Variants in ATP8A1 observed in about 807,000 individuals in gnomAD.
ATP8A1 encodes the protein phospholipid-transporting ATPase IA.
A neutral mutation model predicts 177.7 loss-of-function variants in ATP8A1; 90 were observed. That is an observed-to-expected ratio of 0.51 (90% CI 0.43 to 0.60). The LOEUF (loss-of-function observed/expected upper bound fraction) is 0.60, where lower values mean the gene tolerates loss of function less well. Ranked by LOEUF, ATP8A1 falls within the 20% of genes least tolerant of loss-of-function variation. The probability of loss-of-function intolerance (pLI) is 0.00; values close to 1 mark genes in which losing one functional copy is unlikely to be tolerated. For synonymous variants in ATP8A1, 493 were observed against 485.9 expected, an observed-to-expected ratio of 1.01 and a Z score of -0.19; for missense variants, 1,072 against 1,392.8, an observed-to-expected ratio of 0.77 and a Z score of 3.67.
chr4:42,605,615 A>G (rs1460479937), intron 5 of ATP8A1, among the ~76,000 whole-genome samples: 5 of 152,086 alleles, frequency 3.3e-5, no homozygotes, highest in South Asian at 4.2e-4. Flanking sequence ...TCCTCCTTCA[A>G]ATCTGCTTGA....
At chr4:42,550,132 A>G (rs113094499) in intron 18 of ATP8A1, among the ~76,000 whole-genome samples, 2,981 of 150,912 alleles carry the variant, frequency 0.02, 88 homozygotes, top group African/African-American at 0.069. Flanking sequence ...ACCATAAATC[A>G]CTTTTTCCTG....
At chr4:42,419,301 G>C (rs1309207795) in intron 35 of ATP8A1, among the ~76,000 whole-genome samples, 1 of 152,068 alleles carries the variant, frequency 6.6e-6, no homozygotes, top group Non-Finnish European at 1.5e-5. Flanking sequence ...GCTGTACCAG[G>C]TGTTGCATTG....
At position 42,654,087 on chromosome 4, in the gene ATP8A1, G is replaced by A. The variant is rs73810775; in HGVS notation, c.49+2738C>T. ...CCAGACCTCCTGAATCAGACTCTGCGTTTAACAAGATCCTCAGGTGATTCC... is the reference window on the plus strand; with the variant it reads ...CCAGACCTCCTGAATCAGACTCTGCATTTAACAAGATCCTCAGGTGATTCC... On this transcript the variant is annotated intron_variant, in intron 1 of 36. Transcript: ENST00000381668. Among the ~76,000 whole-genome samples, 857 of 152,262 alleles carry A rather than the reference G, an allele frequency of 5.6e-3. 8 individuals carry two copies. Among genetic ancestry groups the A allele is most frequent in the African/African-American group, 0.02 (819 of 41,536 alleles).
At position 42,590,825 on chromosome 4, in the gene ATP8A1, G is replaced by A; in HGVS notation, c.510C>T (p.Ile170=). 3 of 1,613,538 alleles carry A rather than the reference G, an allele frequency of 1.9e-6. No homozygotes were observed. The highest frequency in any genetic ancestry group is 2.5e-6 in the Non-Finnish European group (3 of 1,179,852). ...TNGEHLPADL[I]SLSSSEPQAM... ...GTGGTTCTAACCTTGAGGACAGACT[G>A]ATGAGATCTGCTGGGAGATGTTCCC... Residue 170 remains isoleucine, a synonymous_variant, in exon 7 of 37, where the codon ATC becomes ATT. Coordinates refer to ENST00000381668, the MANE Select transcript of ATP8A1 (RefSeq NM_006095.2).
At position 42,578,380 on chromosome 4, in the gene ATP8A1, G is replaced by A. The variant is rs756332026; in HGVS notation, c.1008C>T (p.Gly336=). The A allele has an allele frequency of 7.4e-6, 12 of 1,610,740 alleles. No homozygotes were observed. The highest frequency in any genetic ancestry group is 3.3e-5 in the South Asian group (3 of 90,478). Residue 336 remains glycine (G), a synonymous_variant, in exon 12 of 37, where the codon GGC becomes GGT. Coordinates refer to ENST00000381668, the MANE Select transcript of ATP8A1 (RefSeq NM_006095.2). ...AGAAATTCAGTCCAAAATTACTAGC[G>A]CCACCATCTGTTGGGAGAGGCAGGA... is the stretch of plus-strand genomic sequence containing the variant. ...KDWYLNLNYG[G]ASNFGLNFLT... is the part of the protein sequence containing the mutation.
At chr4:42,652,330 C>A (rs1461843565) in intron 1 of ATP8A1, among the ~76,000 whole-genome samples, 1 of 152,140 alleles carries the variant, frequency 6.6e-6, no homozygotes, top group East Asian at 1.9e-4. Flanking sequence ...AAGCCCACCA[C>A]AGATTTACTC....
At chr4:42,588,436 T>A in intron 7 of ATP8A1, 107 bp from the exon 8 acceptor site, 1 of 831,606 alleles carries the variant, frequency 1.2e-6, no homozygotes, top group Non-Finnish European at 1.9e-6. Flanking sequence ...CTAGACAAAG[T>A]AATAGTTACT....
intron 20 of ATP8A1, among the ~76,000 whole-genome samples, chr4:42,542,216 AT>A (rs1332262332): frequency 2.6e-5 from 4 of 151,928 alleles, no homozygotes; most frequent in African/African-American, 7.3e-5. Flanking sequence ...AATATATTAA[AT>A]TTTTTTTCAG....
chr4:42,580,066 C>T (rs1732877537), intron 10 of ATP8A1, 88 bp from the exon 11 acceptor site: 1 of 1,039,988 alleles, frequency 9.6e-7, no homozygotes, highest in Non-Finnish European at 1.4e-6. Context: ...ATGACAAAGT[C>T]ACAACTCAGT....
intron 27 of ATP8A1, among the ~76,000 whole-genome samples, chr4:42,463,831 C>T (rs3890842): frequency 0.36 from 55,018 of 152,022 alleles, 10,207 homozygotes; most frequent in East Asian, 0.59. Context: ...ACTCACCAAA[C>T]ACGGAAACAA....
chr4:42,510,702 C>A (rs1426636054), intron 22 of ATP8A1, among the ~76,000 whole-genome samples: 3 of 152,004 alleles, frequency 2.0e-5, no homozygotes, highest in Non-Finnish European at 4.4e-5. Flanking sequence ...TATTTTCTGT[C>A]TCTACTCTAA....
chr4:42,593,615 C>T (rs1207614323), intron 6 of ATP8A1, among the ~76,000 whole-genome samples: 1 of 151,808 alleles, frequency 6.6e-6, no homozygotes, highest in Non-Finnish European at 1.5e-5. Context: ...TGATAAACAA[C>T]CTCTAAAATA....
At chr4:42,427,282 C>T (rs544549891) in intron 33 of ATP8A1, among the ~76,000 whole-genome samples, 1 of 152,298 alleles carries the variant, frequency 6.6e-6, no homozygotes, top group African/African-American at 2.4e-5. Context: ...ACATGAAATT[C>T]TGGGTTAATA....
intron 21 of ATP8A1, among the ~76,000 whole-genome samples, chr4:42,522,754 A>G (rs1332610261): frequency 6.6e-6 from 1 of 152,098 alleles, no homozygotes; most frequent in Non-Finnish European, 1.5e-5. Flanking sequence ...ACGACTGCCC[A>G]CTGTCTGCCT....
At chr4:42,526,559 C>T (rs568143054) in intron 20 of ATP8A1, among the ~76,000 whole-genome samples, 87 of 152,226 alleles carry the variant, frequency 5.7e-4, no homozygotes, top group Non-Finnish European at 3.4e-4. Flanking sequence ...CCTAGCCTCT[C>T]CCGTGCTGGA....
At chr4:42,469,078 T>C (rs190609080) in intron 25 of ATP8A1, among the ~76,000 whole-genome samples, 2 of 152,318 alleles carry the variant, frequency 1.3e-5, no homozygotes, top group Non-Finnish European at 2.9e-5. Flanking sequence ...CTCACTAAAA[T>C]GGAGACCAGA....
intron 15 of ATP8A1, among the ~76,000 whole-genome samples, chr4:42,556,979 C>A (rs1465378080): frequency 6.6e-6 from 1 of 152,154 alleles, no homozygotes; most frequent in African/African-American, 2.4e-5. Flanking sequence ...GATATCAAGA[C>A]TGTCATATTG....
intron 15 of ATP8A1, among the ~76,000 whole-genome samples, chr4:42,567,854 T>C (rs1467684265): frequency 6.6e-6 from 1 of 152,218 alleles, no homozygotes; most frequent in African/African-American, 2.4e-5. Flanking sequence ...ATTTTTAACA[T>C]TTCCTTCCAA....
intron 30 of ATP8A1, among the ~76,000 whole-genome samples, chr4:42,450,752 C>T (rs1717850555): frequency 6.6e-6 from 1 of 152,220 alleles, no homozygotes; most frequent in African/African-American, 2.4e-5. Context: ...TTGCTGAGTG[C>T]CTACTACAAG....
Sources: gnomAD v4.1 joint callset for allele counts (sites outside exome capture counted in the v4.1 genomes callset) on GRCh38, gnomAD v4.1.1 for gene constraint, MANE v1.5 for transcripts, NCBI Gene and HGNC (gene_info 2026-07-23, HGNC 2026-07-21) for gene names.